The following FSIP2 variants were observed in gnomAD, a reference collection of about 807,000 sequenced individuals.
The protein encoded by FSIP2 is fibrous sheath interacting protein 2, also known as fibrous sheath-interacting protein 2.
Under a neutral mutation model 510.5 loss-of-function variants are expected in FSIP2, and 367 were observed. That is an observed-to-expected ratio of 0.72 (90% CI 0.66 to 0.78). The LOEUF is 0.78. Ranked by LOEUF, FSIP2 falls within the 30% of genes least tolerant of loss-of-function variation. The pLI is 0.00. For missense variants in FSIP2, 7,594 were observed against 7,901.7 expected (o/e 0.96, Z 1.48); for synonymous variants, 2,601 against 2,732.2 (o/e 0.95, Z 1.50).
Position 185,806,929 on chromosome 2 carries a change from A to G in FSIP2, c.17623A>G (p.Thr5875Ala), listed in dbSNP as rs1283160900. Residue 5875 changes from threonine to alanine, a missense_variant, in exon 17 of 23, where the codon ACA becomes GCA. Physicochemically the swap from Thr to Ala is moderately conservative, Grantham distance 58. Coordinates refer to ENST00000424728, the MANE Select transcript of FSIP2 (RefSeq NM_173651.4). ...KVPPRYKEPTTDEAPSSIKIK... is the reference protein window; with the variant it reads ...KVPPRYKEPTADEAPSSIKIK... ...ACCTCCAAGGTATAAAGAGCCAACT[A>G]CAGATGAAGCACCATCCAGCATTAA... 4 of 1,611,600 alleles carry G rather than the reference A, an allele frequency of 2.5e-6. No homozygotes were observed. The highest frequency in any genetic ancestry group is 1.1e-5 in the South Asian group (1 of 90,780).
Position 185,802,949 on chromosome 2 carries a change from T to G in FSIP2, c.13643T>G (p.Phe4548Cys). 1.3e-6 allele frequency: 2 copies of G among 1,523,556 alleles called. No individual in the cohort carries two copies. The highest frequency in any genetic ancestry group is 1.8e-6 in the Non-Finnish European group (2 of 1,141,988). The allele number at this position is 1,523,556 out of a possible 1,614,324, so 94.4% of individuals were successfully genotyped here. Residue 4548 changes from phenylalanine (F) to cysteine (C), a missense_variant, in exon 17 of 23, where the codon TTT becomes TGT. Coordinates refer to ENST00000424728, the MANE Select transcript of FSIP2 (RefSeq NM_173651.4). ...DDIQHLVDSVFANVVQTSGSQ... is the reference protein window; with the variant it reads ...DDIQHLVDSVCANVVQTSGSQ... Reference sequence around the variant, plus strand: ...ATTCAGCACCTTGTTGATTCAGTATTTGCAAATGTTGTGCAAACCTCTGGT... The same window carrying G: ...ATTCAGCACCTTGTTGATTCAGTATGTGCAAATGTTGTGCAAACCTCTGGT...
In FSIP2 at chr2:185,802,474, G is replaced by C; in HGVS notation, c.13168G>C (p.Ala4390Pro). 1.4e-5 allele frequency: 21 copies of C among 1,533,716 alleles called. No individual in the cohort carries two copies. Among genetic ancestry groups the C allele is most frequent in the Admixed American group, 2.0e-5 (1 of 50,802 alleles). The change falls in exon 17 of 23, where the codon GCT (alanine) becomes CCT (proline). Residue 4390 changes from alanine (A) to proline (P), a missense_variant. Physicochemically the swap from Ala to Pro is conservative, Grantham distance 27 (BLOSUM62 -1). Transcript: ENST00000424728. ...NALKQHGLDL[A>P]VDKESEDSGI... is the part of the protein sequence containing the mutation. ...TTTAAAGCAGCATGGGCTAGACCTTGCTGTTGATAAAGAGTCTGAAGACAG... is the reference window on the plus strand; with the variant it reads ...TTTAAAGCAGCATGGGCTAGACCTTCCTGTTGATAAAGAGTCTGAAGACAG...
At position 185,791,600 on chromosome 2, in the gene FSIP2, G is replaced by T; in HGVS notation, c.4464G>T (p.Leu1488Phe). The T allele has an allele frequency of 6.5e-7, 1 of 1,534,038 alleles. No individual in the cohort carries two copies. Among genetic ancestry groups the T allele is most frequent in the Non-Finnish European group, 8.7e-7 (1 of 1,145,502 alleles). The change falls in exon 16 of 23, where the codon TTG (leucine) becomes TTT (phenylalanine). Residue 1488 changes from leucine to phenylalanine, a missense_variant. Coordinates refer to ENST00000424728, the MANE Select transcript of FSIP2 (RefSeq NM_173651.4). ...SNIQLISKAI[L>F]DYILAKLCGV... ...TTCAGTTAATTTCTAAAGCAATTTT[G>T]GATTATATCCTTGCAAAATTATGTG... is the stretch of plus-strand genomic sequence containing the variant.
rs749513129 is a variant in FSIP2, at chr2:185,789,412, T to C, written c.2276T>C (p.Val759Ala). 5.4e-5 allele frequency: 83 copies of C among 1,534,788 alleles called. No individual in the cohort carries two copies. The highest frequency in any genetic ancestry group is 2.6e-4 in the Admixed American group (13 of 50,846). Residue 759 changes from valine to alanine, a missense_variant, in exon 16 of 23, where the codon GTG (valine) becomes GCG (alanine). By Grantham distance (64) the Val-to-Ala change is moderately conservative. Transcript: ENST00000424728. ...AHIPSVASEI[V>A]ENMLEKLESA... is the part of the protein sequence containing the mutation. Reference sequence around the variant, plus strand: ...ATTCCCTCAGTTGCTTCTGAGATTGTGGAAAATATGCTTGAGAAGTTAGAG... The same window carrying C: ...ATTCCCTCAGTTGCTTCTGAGATTGCGGAAAATATGCTTGAGAAGTTAGAG...
At position 185,790,038 on chromosome 2, in the gene FSIP2, AC is replaced by A; in HGVS notation, c.2904del (p.Glu970LysfsTer23). ...ACCTAGAATAAGTAGTCCTTCTGACACCAAAGAAAAGTACAGACTCACTGGC... is the reference window on the plus strand; with the variant it reads ...ACCTAGAATAAGTAGTCCTTCTGACACAAAGAAAAGTACAGACTCACTGGC... Reference protein sequence around the residue: ...RQPRISSPSDTKEKYRLTGTR... With the variant: ...RQPRISSPSDXKEKYRLTGTR... On this transcript the variant is annotated frameshift_variant, in exon 16 of 23. Coordinates refer to ENST00000424728, the MANE Select transcript of FSIP2 (RefSeq NM_173651.4). LOFTEE classifies it high-confidence loss of function. 1 of 1,533,668 alleles carries A rather than the reference AC, an allele frequency of 6.5e-7. No individual in the cohort carries two copies. Among genetic ancestry groups the A allele is most frequent in the South Asian group, 1.2e-5 (1 of 83,912 alleles).
chr2:185,737,149 A>G (rs567140859), upstream of FSIP2, among the ~76,000 whole-genome samples: 1 of 152,340 alleles, frequency 6.6e-6, no homozygotes, highest in African/African-American at 2.4e-5. Flanking sequence ...TTCCAGAAAG[A>G]ACACAGCACT....
Position 185,794,368 on chromosome 2 carries a change from T to C in FSIP2, c.7232T>C (p.Phe2411Ser). The C allele has an allele frequency of 1.3e-6, 2 of 1,517,712 alleles. No homozygotes were observed. The highest frequency in any genetic ancestry group is 1.8e-6 in the Non-Finnish European group (2 of 1,139,414). The allele number at this position is 1,517,712 out of a possible 1,614,324, so 94.0% of individuals were successfully genotyped here. Residue 2411 changes from phenylalanine to serine, a missense_variant, in exon 16 of 23, where the codon TTT (phenylalanine) becomes TCT (serine). Phe to Ser is a radical substitution (Grantham distance 155). Coordinates refer to ENST00000424728, the MANE Select transcript of FSIP2 (RefSeq NM_173651.4). ...DDKRSVKEIC[F>S]NSKENSNFSQ... ...AAAAGATCTGTAAAGGAAATTTGTT[T>C]TAATTCAAAAGAAAATTCTAACTTT...
At chr2:185,830,661 G>C (rs1694092449) in intron 21 of FSIP2, among the ~76,000 whole-genome samples, 1 of 151,670 alleles carries the variant, frequency 6.6e-6, no homozygotes, top group African/African-American at 2.4e-5. Context: ...AGAACAATAA[G>C]TCTATACATG....
At chr2:185,819,481 G>A (rs34923124) in intron 19 of FSIP2, among the ~76,000 whole-genome samples, 14,751 of 151,822 alleles carry the variant, frequency 0.097, 760 homozygotes, top group Middle Eastern at 0.14. Flanking sequence ...CATGTAGGTT[G>A]AAAGTGAAAG....
In FSIP2 at chr2:185,833,121, A is replaced by T. The variant is rs1430896318; in HGVS notation, c.20619A>T (p.Gly6873=). 6.2e-7 allele frequency: 1 copy of T among 1,610,706 alleles called. No homozygotes were observed. Among genetic ancestry groups the T allele is most frequent in the African/African-American group, 1.3e-5 (1 of 74,710 alleles). The change falls in exon 23 of 23, where the codon GGA becomes GGT. Residue 6873 remains glycine (G), a synonymous_variant. Coordinates refer to ENST00000424728, the MANE Select transcript of FSIP2 (RefSeq NM_173651.4). The part of the protein sequence containing the change: ...ETPKPDVSKQ[G]SKMLTKMSST... ...CCAAGCCCGATGTCTCCAAACAAGG[A>T]TCTAAAATGCTGACAAAAATGTCTT...
At chr2:185,814,075 A>C (rs762864039) in intron 18 of FSIP2, 33 bp downstream of exon 18, 5 of 1,565,458 alleles carry the variant, frequency 3.2e-6, no homozygotes, top group Non-Finnish European at 4.3e-6. Context: ...AGTGACTAGA[A>C]AGGGGAGACA....
intron 19 of FSIP2, among the ~76,000 whole-genome samples, chr2:185,823,977 C>T (rs1028660878): frequency 6.6e-6 from 1 of 151,670 alleles, no homozygotes; most frequent in Non-Finnish European, 1.5e-5. Flanking sequence ...TGGTATACGT[C>T]AGCAAAAAAG....
intron 9 of FSIP2, 67 bp from the exon 10 acceptor site, chr2:185,760,921 G>T (rs1023373465): frequency 5.1e-5 from 12 of 233,494 alleles, no homozygotes; most frequent in East Asian, 3.0e-4. Flanking sequence ...ATTGTACTTT[G>T]ATTGTACTTT....
At chr2:185,764,862 C>T (rs569829312) in intron 13 of FSIP2, 18 of 237,424 alleles carry the variant, frequency 7.6e-5, no homozygotes, top group African/African-American at 2.0e-4. Flanking sequence ...AAAGAGACTG[C>T]GTTGAGACAT....
chr2:185,772,857 G>C (rs1316065436), intron 13 of FSIP2, among the ~76,000 whole-genome samples: 1 of 139,746 alleles, frequency 7.2e-6, no homozygotes, highest in Non-Finnish European at 1.6e-5. Flanking sequence ...CTTTTCTTTT[G>C]TTTTTGTTTT....
chr2:185,796,544 G>T lies in FSIP2; in HGVS notation c.9408G>T (p.Leu3136Phe). 6.5e-7 allele frequency: 1 copy of T among 1,534,984 alleles called. No homozygotes were observed. The highest frequency in any genetic ancestry group is 8.7e-7 in the Non-Finnish European group (1 of 1,146,158). Reference protein sequence around the residue: ...MDQCTYFNESLIQNLSRESLF... With the variant: ...MDQCTYFNESFIQNLSRESLF... ...AGTGTACTTATTTCAATGAGTCTTTGATACAAAACCTTTCAAGAGAAAGTT... is the reference window on the plus strand; with the variant it reads ...AGTGTACTTATTTCAATGAGTCTTTTATACAAAACCTTTCAAGAGAAAGTT... The change falls in exon 16 of 23, where the codon TTG becomes TTT. Residue 3136 changes from leucine to phenylalanine, a missense_variant. Transcript: ENST00000424728.
At position 185,806,019 on chromosome 2, in the gene FSIP2, T is replaced by A; in HGVS notation, c.16713T>A (p.Ile5571=). Residue 5571 remains isoleucine, a synonymous_variant, in exon 17 of 23, where the codon ATT becomes ATA. Coordinates refer to ENST00000424728, the MANE Select transcript of FSIP2 (RefSeq NM_173651.4). ...AAATTGAGAAGAAAAGAAATTTAAT[T>A]CCAACAGATAAAAAAGGGAAAGATG... ...NNEIEKKRNL[I]PTDKKGKDDE... 2 of 1,555,748 alleles carry A rather than the reference T, an allele frequency of 1.3e-6. No individual in the cohort carries two copies. Among genetic ancestry groups the A allele is most frequent in the South Asian group, 2.4e-5 (2 of 82,700 alleles).
rs773029340 is a variant in FSIP2, at chr2:185,803,446, G to T, written c.14140G>T (p.Val4714Leu). ...TTTGCAAGAATATGAAATGGAAGTC[G>T]TGCCCAATAAAGATTTTCTAAATGA... ...KVLQEYEMEV[V>L]PNKDFLNDTK... The change falls in exon 17 of 23, where the codon GTG (valine) becomes TTG (leucine). Residue 4714 changes from valine (V) to leucine (L), a missense_variant. Val to Leu is a conservative substitution (Grantham distance 32, BLOSUM62 1). Transcript: ENST00000424728. The T allele has an allele frequency of 1.3e-6, 2 of 1,529,592 alleles. No individual in the cohort carries two copies. Among genetic ancestry groups the T allele is most frequent in the East Asian group, 4.9e-5 (2 of 40,778 alleles). The allele number at this position is 1,529,592 out of a possible 1,614,324, so 94.8% of individuals were successfully genotyped here.
chr2:185,766,034 G>A (rs1453791206), intron 13 of FSIP2: 1 of 151,662 alleles, frequency 6.6e-6, no homozygotes, highest in Admixed American at 6.6e-5. Flanking sequence ...TCAGCTTAAG[G>A]AGATTTTGGG....
Sources: gnomAD v4.1 joint callset for allele counts (sites outside exome capture counted in the v4.1 genomes callset) on GRCh38, gnomAD v4.1.1 for gene constraint, MANE v1.5 for transcripts, NCBI Gene and HGNC (gene_info 2026-07-23, HGNC 2026-07-21) for gene names.